PIK3C2G: variants seen among roughly 807,000 people sequenced by gnomAD.
PIK3C2G encodes phosphatidylinositol 3-kinase C2 domain-containing subunit gamma.
A neutral mutation model predicts 181.1 loss-of-function variants in PIK3C2G; 168 were observed. That is an observed-to-expected ratio of 0.93 (90% CI 0.82 to 1.05). The LOEUF is 1.05. Among genes scored for constraint, PIK3C2G ranks in the 50% least tolerant of loss-of-function variants. The pLI, the probability that PIK3C2G is intolerant of heterozygous loss-of-function variation, is 0.00. For synonymous variants in PIK3C2G, 573 were observed against 592.2 expected, an observed-to-expected ratio of 0.97 and a Z score of 0.47; for missense variants, 1,869 against 1,732.8, an observed-to-expected ratio of 1.08 and a Z score of -1.40.
intron 2 of PIK3C2G, 97 bp from the exon 3 acceptor site, chr12:18,286,750 G>T: frequency 1.5e-6 from 1 of 658,970 alleles, no homozygotes; most frequent in Non-Finnish European, 2.5e-6. Context: ...AATTAAAAAT[G>T]AAGTCTGAAT....
the PIK3C2G span, chr12:18,723,626 G>A: frequency 9.7e-7 from 1 of 1,033,192 alleles, no homozygotes; most frequent in Non-Finnish European, 1.5e-6. Flanking sequence ...GTAACATGTA[G>A]TAATTTATAC....
At position 18,428,597 on chromosome 12, in the gene PIK3C2G, C is replaced by A. The variant is rs567392644; in HGVS notation, c.2504+4558C>A. Reference sequence around the variant, plus strand: ...TATCAGTGATCAGAAAGTTGCCTCACCAGATACTGAGCTATGAATAAGTAA... The same window carrying A: ...TATCAGTGATCAGAAAGTTGCCTCAACAGATACTGAGCTATGAATAAGTAA... On this transcript the variant is annotated intron_variant, in intron 18 of 32. Transcript: ENST00000538779. 4.6e-5 allele frequency among the ~76,000 whole-genome samples: 7 copies of A among 152,256 alleles called. No homozygotes were observed. In the East Asian group the frequency reaches 1.2e-3, roughly 25 times the overall value.
chr12:18,705,494 G>T, the PIK3C2G span, among the ~76,000 whole-genome samples: 1 of 152,118 alleles, frequency 6.6e-6, no homozygotes, highest in South Asian at 2.1e-4. Flanking sequence ...CATTAAATCT[G>T]CATAAAAAGA....
At chr12:18,397,713 A>C (rs1378381647) in intron 15 of PIK3C2G, among the ~76,000 whole-genome samples, 1 of 152,112 alleles carries the variant, frequency 6.6e-6, no homozygotes, top group Non-Finnish European at 1.5e-5. Flanking sequence ...AAACAGTTTC[A>C]CAATTTCTTG....
intron 18 of PIK3C2G, among the ~76,000 whole-genome samples, chr12:18,479,511 C>T (rs758573389): frequency 6.6e-6 from 1 of 152,092 alleles, no homozygotes; most frequent in South Asian, 2.1e-4. Context: ...AATCATATGA[C>T]CTGGAGCTGA....
At chr12:18,673,121 A>G in the PIK3C2G span, among the ~76,000 whole-genome samples, 4 of 152,334 alleles carry the variant, frequency 2.6e-5, no homozygotes, top group African/African-American at 9.6e-5. Context: ...TCCAAAAGGT[A>G]TGAAGAAGAC....
chr12:18,713,018 T>G, the PIK3C2G span: 1 of 1,612,288 alleles, frequency 6.2e-7, no homozygotes, highest in Non-Finnish European at 8.5e-7. Flanking sequence ...AAAATGTTAC[T>G]CCTGGACCAT....
At chr12:18,446,107 G>C (rs918701673) in intron 18 of PIK3C2G, among the ~76,000 whole-genome samples, 1 of 152,148 alleles carries the variant, frequency 6.6e-6, no homozygotes, top group Non-Finnish European at 1.5e-5. Flanking sequence ...GCAACAGACT[G>C]TATAATCTCC....
chr12:18,528,087 C>A (rs959314526), intron 24 of PIK3C2G, among the ~76,000 whole-genome samples: 1 of 152,124 alleles, frequency 6.6e-6, no homozygotes. Flanking sequence ...CTCTCATGTT[C>A]TCATCATATT....
intron 26 of PIK3C2G, among the ~76,000 whole-genome samples, chr12:18,558,266 T>TA (rs759839106): frequency 2.0e-5 from 3 of 152,178 alleles, no homozygotes; most frequent in African/African-American, 4.8e-5. Context: ...CTTTGCAAGT[T>TA]AAAAAATTGT....
intron 1 of PIK3C2G, among the ~76,000 whole-genome samples, chr12:18,248,994 C>T (rs1352801022): frequency 6.6e-6 from 1 of 152,040 alleles, no homozygotes; most frequent in Non-Finnish European, 1.5e-5. Context: ...TCTCTTTATC[C>T]TAAACACATA....
intron 31 of PIK3C2G, among the ~76,000 whole-genome samples, chr12:18,633,517 A>T (rs588685): frequency 0.54 from 81,837 of 152,096 alleles, 23,494 homozygotes; most frequent in Admixed American, 0.64. Flanking sequence ...CAAACCTTCA[A>T]GACGGGTCTG....
intron 31 of PIK3C2G, among the ~76,000 whole-genome samples, chr12:18,630,340 C>T (rs546854834): frequency 1.3e-5 from 2 of 152,060 alleles, no homozygotes; most frequent in South Asian, 2.1e-4. Flanking sequence ...TGCAGTGAGC[C>T]GAGATCATGC....
Position 18,399,750 on chromosome 12 carries a change from C to G in PIK3C2G, c.2218C>G (p.Pro740Ala). The change falls in exon 16 of 33, where the codon CCT becomes GCT. Residue 740 changes from proline (P) to alanine (A), a missense_variant. Transcript: ENST00000538779. ...CCTTCCTTTAGTCCTGGGTAGTGCC[C>G]CTGGATGGGATGAAAGGACTGTTTC... ...CSLPLVLGSA[P>A]GWDERTVSEM... 6.2e-7 allele frequency: 1 copy of G among 1,605,442 alleles called. No homozygotes were observed. The highest frequency in any genetic ancestry group is 1.7e-4 in the Middle Eastern group (1 of 5,994).
chr12:18,421,685 C>T (rs182771186), intron 17 of PIK3C2G, among the ~76,000 whole-genome samples: 5 of 151,736 alleles, frequency 3.3e-5, no homozygotes, highest in African/African-American at 1.2e-4. Flanking sequence ...TTGTTTTTTC[C>T]AGGATGACTG....
chr12:18,639,931 TA>T (rs1459666645), intron 31 of PIK3C2G, among the ~76,000 whole-genome samples: 2 of 151,894 alleles, frequency 1.3e-5, no homozygotes, highest in Non-Finnish European at 2.9e-5. Context: ...ATATTAAAGT[TA>T]TAGCTCTAAT....
At chr12:18,442,660 T>C (rs1470116143) in intron 18 of PIK3C2G, among the ~76,000 whole-genome samples, 3 of 152,140 alleles carry the variant, frequency 2.0e-5, no homozygotes, top group Non-Finnish European at 2.9e-5. Context: ...AAAACAGGAC[T>C]CATTGTAAGG....
At chr12:18,684,296 G>C in the PIK3C2G span, 1 of 1,588,418 alleles carries the variant, frequency 6.3e-7, no homozygotes. Flanking sequence ...TATAAAAAAA[G>C]AAGATACAAA....
chr12:18,688,177 A>C, the PIK3C2G span: 1 of 1,611,206 alleles, frequency 6.2e-7, no homozygotes, highest in Non-Finnish European at 8.5e-7. Context: ...CACCTTTGTT[A>C]GATGATGAAT....
Sources: allele counts gnomAD v4.1 joint callset (sites outside exome capture counted in the v4.1 genomes callset), GRCh38; gene constraint gnomAD v4.1.1; transcripts MANE v1.5; gene names NCBI Gene and HGNC (gene_info 2026-07-23, HGNC 2026-07-21).